GPRC5D: variants seen among roughly 807,000 people sequenced by gnomAD.
GPRC5D encodes G protein-coupled receptor class C group 5 member D, also known as G protein-coupled receptor family C group 5 member D.
GPRC5D carries 20 observed loss-of-function variants against 29.3 expected under a neutral mutation model. That is an observed-to-expected ratio of 0.68 (90% CI 0.48 to 0.99). The LOEUF is 0.99. GPRC5D is among the 50% of genes least tolerant of loss of function. GPRC5D has a pLI of 0.00. For synonymous variants in GPRC5D, 178 were observed against 171.3 expected, an observed-to-expected ratio of 1.04 and a Z score of -0.30; for missense variants, 384 against 423.6, an observed-to-expected ratio of 0.91 and a Z score of 0.82.
exon 1 of GPRC5D, chr12:12,950,359 G>C (rs1565481134): frequency 6.2e-7 from 1 of 1,608,752 alleles, no homozygotes; most frequent in Non-Finnish European, 8.5e-7. Context: ...ATAGTCTCCA[G>C]TGGACTCGAT....
chr12:12,948,295 T>C (rs1863405364), intron 1 of GPRC5D: 1 of 152,472 alleles, frequency 6.6e-6, no homozygotes, highest in African/African-American at 2.4e-5. Context: ...AGTGATGTGA[T>C]TATGCCTCAC....
At chr12:12,949,935 G>T in exon 1 of GPRC5D, 7 of 1,613,702 alleles carry the variant, frequency 4.3e-6, no homozygotes, top group Non-Finnish European at 5.9e-6. Flanking sequence ...TGGTCATGAT[G>T]AGAGTCACAT....
At chr12:12,946,323 TTCTTTC>T (rs1411044680) in intron 1 of GPRC5D, among the ~76,000 whole-genome samples, 1 of 147,046 alleles carries the variant, frequency 6.8e-6, no homozygotes, top group Admixed American at 6.7e-5. Context: ...CTTTCTTTCT[TTCTTTC>T]TTTCTTTCTT....
chr12:12,942,138 A>G, intron 2 of GPRC5D, 123 bp downstream of exon 3: 1 of 718,278 alleles, frequency 1.4e-6, no homozygotes, highest in Non-Finnish European at 2.5e-6. Context: ...GCCTTTAGGG[A>G]TGCTCCTGCT....
intron 1 of GPRC5D, among the ~76,000 whole-genome samples, chr12:12,945,649 T>A (rs1241458029): frequency 6.6e-6 from 1 of 152,250 alleles, no homozygotes; most frequent in Non-Finnish European, 1.5e-5. Flanking sequence ...CCCAGGATCA[T>A]GTAAATGGAA....
chr12:12,947,539 T>TCCTCCCTC (rs1164740438), intron 1 of GPRC5D, among the ~76,000 whole-genome samples: 5 of 151,492 alleles, frequency 3.3e-5, no homozygotes, highest in East Asian at 1.9e-4. Context: ...CTTCCTTCCT[T>TCCTCCCTC]CCTCCCTCCC....
intron 1 of GPRC5D, among the ~76,000 whole-genome samples, chr12:12,944,800 C>T (rs190243406): frequency 0.015 from 174 of 11,258 alleles, 5 homozygotes; most frequent in Non-Finnish European, 0.039. Flanking sequence ...TTCCTTCCTT[C>T]CCTTCCTTCC....
At chr12:12,945,160 C>T (rs552524704) in intron 1 of GPRC5D, among the ~76,000 whole-genome samples, 50 of 151,672 alleles carry the variant, frequency 3.3e-4, no homozygotes, top group Non-Finnish European at 6.2e-4. Flanking sequence ...CCCGACACCA[C>T]GCCCAGCAAA....
At chr12:12,942,155 C>G (rs1863168158) in intron 2 of GPRC5D, 106 bp downstream of exon 3, 4 of 788,288 alleles carry the variant, frequency 5.1e-6, no homozygotes, top group Middle Eastern at 2.4e-4. Context: ...TGCTCTGTCT[C>G]TCCTCTCTCA....
chr12:12,952,000 G>C (rs1863509537), upstream of GPRC5D: 1 of 152,002 alleles, frequency 6.6e-6, no homozygotes, highest in Non-Finnish European at 1.5e-5. Context: ...AAAATCAATT[G>C]CAATTGAATA....
At chr12:12,949,921 C>A in exon 1 of GPRC5D, 1 of 1,613,114 alleles carries the variant, frequency 6.2e-7, no homozygotes. Flanking sequence ...AAACATCATA[C>A]CTCTGGTCAT....
chr12:12,951,318 C>T (rs566632726), upstream of GPRC5D, among the ~76,000 whole-genome samples: 1 of 152,282 alleles, frequency 6.6e-6, no homozygotes, highest in African/African-American at 2.4e-5. Flanking sequence ...TGTCAAGAGC[C>T]TGAGTTACAT....
In GPRC5D at chr12:12,949,075, T is replaced by G. The variant is rs1307784273; in HGVS notation, c.895+415A>C. On this transcript the variant is annotated intron_variant, in intron 1 of 2. Coordinates refer to ENST00000228887, the Ensembl canonical transcript of GPRC5D. ...GACAAATTTTTAAAATGTCCATCAC[T>G]GCTGCCAGGATCGGCTGTTGCACTT... is the stretch of plus-strand genomic sequence containing the variant. Among the ~76,000 whole-genome samples the G allele has an allele frequency of 2.6e-5, 4 of 152,240 alleles. No individual in the cohort carries two copies. In the East Asian group the frequency reaches 7.7e-4, roughly 29 times the overall value.
intron 1 of GPRC5D, among the ~76,000 whole-genome samples, chr12:12,945,832 C>T (rs1863301598): frequency 6.6e-6 from 1 of 152,108 alleles, no homozygotes; most frequent in Non-Finnish European, 1.5e-5. Flanking sequence ...GAGGATGTAT[C>T]TATATTTTTG....
exon 2 of GPRC5D, chr12:12,942,315 A>G (rs1302798654): frequency 3.1e-6 from 5 of 1,612,744 alleles, no homozygotes; most frequent in Non-Finnish European, 3.4e-6. Context: ...CCTCAGCTCC[A>G]TCACTGTCTC....
At chr12:12,943,453 A>G (rs1442641575) in intron 1 of GPRC5D, among the ~76,000 whole-genome samples, 1 of 152,216 alleles carries the variant, frequency 6.6e-6, no homozygotes, top group African/African-American at 2.4e-5. Context: ...TAAAAGAGGA[A>G]TAATGACAGT....
intron 2 of GPRC5D, 23 bp from the exon 4 acceptor site, chr12:12,940,872 A>G (rs757410230): frequency 6.8e-7 from 1 of 1,464,750 alleles, no homozygotes; most frequent in Non-Finnish European, 9.6e-7. Flanking sequence ...AAATGCCATC[A>G]TCAACTTTCT....
chr12:12,943,911 C>T (rs886390085), intron 1 of GPRC5D, among the ~76,000 whole-genome samples: 2 of 152,064 alleles, frequency 1.3e-5, no homozygotes, highest in African/African-American at 4.8e-5. Context: ...ATAGGAAGTC[C>T]GAGTTGAGTA....
exon 1 of GPRC5D, chr12:12,949,728 C>T (rs1863440264): frequency 1.2e-6 from 2 of 1,614,180 alleles, no homozygotes; most frequent in South Asian, 1.1e-5. Context: ...TGGAGATCCA[C>T]ACCACCCAGA....
Sources: allele counts gnomAD v4.1 joint callset (sites outside exome capture counted in the v4.1 genomes callset), GRCh38; gene constraint gnomAD v4.1.1; transcripts MANE v1.5; gene names NCBI Gene and HGNC (gene_info 2026-07-23, HGNC 2026-07-21).